NHSL1: variants seen among roughly 807,000 people sequenced by gnomAD.
NHSL1 encodes NHS like 1.
NHSL1 carries 48 observed loss-of-function variants against 95.0 expected under a neutral mutation model. That is an observed-to-expected ratio of 0.51 (90% CI 0.40 to 0.64). The LOEUF is 0.64. Among genes scored for constraint, NHSL1 ranks in the 30% least tolerant of loss-of-function variants. The probability of loss-of-function intolerance (pLI) is 0.00; values close to 1 mark genes in which losing one functional copy is unlikely to be tolerated. For missense variants in NHSL1, 1,971 were observed against 2,077.7 expected (o/e 0.95, Z 1.00); for synonymous variants, 783 against 833.9 (o/e 0.94, Z 1.05).
chr6:138,692,884 C>A (rs991735485), upstream of NHSL1, among the ~76,000 whole-genome samples: 1 of 151,036 alleles, frequency 6.6e-6, no homozygotes, highest in Non-Finnish European at 1.5e-5. The surrounding 1 kb of genome is among the most constrained non-coding windows in gnomAD (Gnocchi z 4.0). Context: ...GGAAGCCTGG[C>A]GGCCCCTGCC....
intron 1 of NHSL1, among the ~76,000 whole-genome samples, chr6:138,605,770 G>C (rs966972258): frequency 1.3e-5 from 2 of 152,196 alleles, no homozygotes; most frequent in Admixed American, 1.3e-4. Context: ...TTAAGAATCT[G>C]TTCACTCAAT....
intron 3 of NHSL1, among the ~76,000 whole-genome samples, chr6:138,453,640 G>A (rs1777384646): frequency 6.6e-6 from 1 of 152,004 alleles, no homozygotes; most frequent in Non-Finnish European, 1.5e-5. Context: ...TCAAACTCCT[G>A]GGTTCAAGCG....
rs186462390 is a variant in NHSL1 at position 138,689,957 on chromosome 6, T to C, written c.96+2519A>G. Among the ~76,000 whole-genome samples the C allele has an allele frequency of 1.1e-3, 173 of 152,268 alleles. 1 individual carries two copies. Among genetic ancestry groups the C allele is most frequent in the Middle Eastern group, 3.4e-3 (1 of 294 alleles). Reference sequence around the variant, plus strand: ...GCCACTGTGCCTGGCTCCACACTCTTCTAAAGGGAAGGAACACAGGCAGTG... The same window carrying C: ...GCCACTGTGCCTGGCTCCACACTCTCCTAAAGGGAAGGAACACAGGCAGTG... On this transcript the variant is annotated intron_variant, in intron 1 of 3. Coordinates refer to the NHSL1 transcript ENST00000491526.
At chr6:138,604,085 G>A (rs146240572) in intron 1 of NHSL1, among the ~76,000 whole-genome samples, 5 of 152,276 alleles carry the variant, frequency 3.3e-5, no homozygotes, top group Admixed American at 3.3e-4. Flanking sequence ...TCAGCGTTAA[G>A]TTTTGCTAAG....
At chr6:138,493,039 C>A (rs1780164939) in intron 2 of NHSL1, among the ~76,000 whole-genome samples, 1 of 152,002 alleles carries the variant, frequency 6.6e-6, no homozygotes, top group Non-Finnish European at 1.5e-5. Context: ...ACCTTGCACT[C>A]ATGTTGTGTT....
At chr6:138,664,429 A>G (rs1785268560) in intron 1 of NHSL1, among the ~76,000 whole-genome samples, 1 of 152,330 alleles carries the variant, frequency 6.6e-6, no homozygotes, top group South Asian at 2.1e-4. Flanking sequence ...GAATTACAAT[A>G]ACATAATGGC....
chr6:138,506,174 A>G (rs1424905345), intron 1 of NHSL1, among the ~76,000 whole-genome samples: 1 of 152,176 alleles, frequency 6.6e-6, no homozygotes, highest in Non-Finnish European at 1.5e-5. Flanking sequence ...ATAAACATTC[A>G]TAATGTTTTA....
chr6:138,597,683 G>T (rs1160538746), intron 1 of NHSL1, among the ~76,000 whole-genome samples: 1 of 152,076 alleles, frequency 6.6e-6, no homozygotes, highest in African/African-American at 2.4e-5. Flanking sequence ...GCATCCAACG[G>T]TTTCATTCCA....
At chr6:138,465,280 A>G (rs995846049) in intron 3 of NHSL1, among the ~76,000 whole-genome samples, 2 of 152,114 alleles carry the variant, frequency 1.3e-5, no homozygotes, top group African/African-American at 4.8e-5. Flanking sequence ...CACTTTCTAC[A>G]TAAGGAAATT....
intron 1 of NHSL1, among the ~76,000 whole-genome samples, chr6:138,590,100 C>T (rs1375795602): frequency 5.9e-5 from 9 of 152,166 alleles, no homozygotes; most frequent in Non-Finnish European, 1.2e-4. Flanking sequence ...TGGGTTCAAG[C>T]GATTCTCCTG....
At chr6:138,640,160 T>C (rs1784942073) in intron 1 of NHSL1, among the ~76,000 whole-genome samples, 1 of 152,150 alleles carries the variant, frequency 6.6e-6, no homozygotes, top group Non-Finnish European at 1.5e-5. Context: ...CTCCATCTTA[T>C]AGCATCTTGG....
Position 138,430,855 on chromosome 6 carries a change from G to A in NHSL1, c.3490C>T (p.Pro1164Ser). The A allele has an allele frequency of 1.9e-6, 3 of 1,551,070 alleles. No homozygotes were observed. The highest frequency in any genetic ancestry group is 8.7e-7 in the Non-Finnish European group (1 of 1,146,840). Residue 1164 changes from proline to serine, a missense_variant, in exon 6 of 8, where the codon CCT (proline) becomes TCT (serine). Physicochemically the swap from Pro to Ser is moderately conservative, Grantham distance 74 (BLOSUM62 -1). Around this residue, in one of 3 missense-constraint regions of NHSL1, gnomAD observed 1,602 missense variants for 1,654.5 expected, o/e 0.97. Coordinates refer to ENST00000343505, the MANE Select transcript of NHSL1 (RefSeq NM_001144060.2). The surrounding 1 kb of genome is among the most constrained non-coding windows in gnomAD (Gnocchi z 4.7). Reference sequence around the variant, plus strand: ...GCCTCCCCAGCGCTTGGAGCTCCAGGGCTGCGGCTCACAGGGCCACCACGC... The same window carrying A: ...GCCTCCCCAGCGCTTGGAGCTCCAGAGCTGCGGCTCACAGGGCCACCACGC... ...AERGGPVSRS[P>S]GAPSAGEAEA...
At chr6:138,559,809 A>G (rs1379305174) in intron 1 of NHSL1, among the ~76,000 whole-genome samples, 1 of 152,270 alleles carries the variant, frequency 6.6e-6, no homozygotes, top group African/African-American at 2.4e-5. Flanking sequence ...GAATAAACAG[A>G]GAAAACAGAG....
At chr6:138,528,744 G>C (rs563460322) in intron 1 of NHSL1, among the ~76,000 whole-genome samples, 2 of 152,304 alleles carry the variant, frequency 1.3e-5, no homozygotes, top group East Asian at 3.9e-4. Flanking sequence ...CCAGACTTAA[G>C]TCTTTGTCTA....
At chr6:138,622,825 T>C (rs1218421665) in intron 1 of NHSL1, among the ~76,000 whole-genome samples, 1 of 152,196 alleles carries the variant, frequency 6.6e-6, no homozygotes, top group African/African-American at 2.4e-5. Context: ...ATAAATGCAG[T>C]TCCTGCTCCC....
chr6:138,497,983 A>G (rs1159666606), intron 1 of NHSL1, among the ~76,000 whole-genome samples: 3 of 152,244 alleles, frequency 2.0e-5, no homozygotes, highest in Non-Finnish European at 4.4e-5. Flanking sequence ...TTTGGCACCT[A>G]GTATTTCATG....
chr6:138,500,409 G>T (rs114271360), upstream of NHSL1, among the ~76,000 whole-genome samples: 632 of 152,194 alleles, frequency 4.2e-3, 5 homozygotes, highest in African/African-American at 0.015. Context: ...GGGGTAAAGG[G>T]ATAGGAAAAA....
chr6:138,504,903 T>A (rs1479758755), intron 1 of NHSL1, among the ~76,000 whole-genome samples: 1 of 152,194 alleles, frequency 6.6e-6, no homozygotes, highest in Non-Finnish European at 1.5e-5. Flanking sequence ...TGTAAAATGT[T>A]TCAGGAACCA....
At chr6:138,587,117 C>T (rs1207754480) in intron 1 of NHSL1, among the ~76,000 whole-genome samples, 5 of 151,674 alleles carry the variant, frequency 3.3e-5, no homozygotes, top group East Asian at 3.9e-4. Context: ...GGATTACAGG[C>T]GCATGCCACC....
Sources: gnomAD v4.1 joint callset for allele counts (sites outside exome capture counted in the v4.1 genomes callset) on GRCh38, gnomAD v4.1.1 for gene constraint, gnomAD v4.1.1 regional missense constraint, Gnocchi (gnomAD v3.1) non-coding constraint, MANE v1.5 for transcripts, NCBI Gene and HGNC (gene_info 2026-07-23, HGNC 2026-07-21) for gene names.